Variants in DGKB observed in about 807,000 individuals in gnomAD.
The protein encoded by DGKB is diacylglycerol kinase beta.
In DGKB, 67 loss-of-function variants were observed where a neutral mutation model predicts 114.3. That is an observed-to-expected ratio of 0.59 (90% CI 0.48 to 0.72). The LOEUF (loss-of-function observed/expected upper bound fraction) is 0.72, where lower values mean the gene tolerates loss of function less well. Ranked by LOEUF, DGKB falls within the 30% of genes least tolerant of loss-of-function variation. The probability of loss-of-function intolerance (pLI) is 0.00; values close to 1 mark genes in which losing one functional copy is unlikely to be tolerated. For synonymous variants in DGKB, 398 were observed against 323.1 expected (o/e 1.23, Z -2.49); for missense variants, 907 against 975.2 (o/e 0.93, Z 0.93).
chr7:14,459,437 C>G (rs1359948728), intron 21 of DGKB, among the ~76,000 whole-genome samples: 2 of 152,040 alleles, frequency 1.3e-5, no homozygotes, highest in Non-Finnish European at 2.9e-5. Flanking sequence ...AAACACAGCA[C>G]AAGAACTTCG....
At chr7:14,751,299 G>A (rs1434212632) in intron 4 of DGKB, among the ~76,000 whole-genome samples, 4 of 151,992 alleles carry the variant, frequency 2.6e-5, no homozygotes, top group African/African-American at 9.7e-5. Context: ...TGTTATTAAA[G>A]AAATGAAAGA....
intron 20 of DGKB, among the ~76,000 whole-genome samples, chr7:14,516,028 T>TG (rs1219033092): frequency 2.6e-5 from 4 of 152,008 alleles, no homozygotes; most frequent in African/African-American, 9.7e-5. Flanking sequence ...TGTTTATTTT[T>TG]GGGGGGATGG....
chr7:14,425,846 A>G (rs1458174613), intron 21 of DGKB, among the ~76,000 whole-genome samples: 3 of 152,170 alleles, frequency 2.0e-5, no homozygotes, highest in African/African-American at 7.2e-5. Context: ...TACAAAAATG[A>G]GTATTTTAGA....
At chr7:14,946,161 C>T (rs974389228) in intron 1 of DGKB, among the ~76,000 whole-genome samples, 13 of 151,180 alleles carry the variant, frequency 8.6e-5, no homozygotes, top group Admixed American at 2.0e-4. Context: ...GGGTTTCTTG[C>T]TAAGTTTTCC....
At chr7:14,449,564 C>T (rs2128833951) in intron 21 of DGKB, among the ~76,000 whole-genome samples, 1 of 152,174 alleles carries the variant, frequency 6.6e-6, no homozygotes, top group South Asian at 2.1e-4. Context: ...AAACCATCTG[C>T]TCTGGGAGGC....
rs561480503 is a variant in DGKB, at chr7:14,835,510, CT to C, written c.70+5683del. ...GGCCCTGTGCCATTTATCCTTCTGT[CT>C]CATACAAAGAGGGTAATTATCAATA... On this transcript the variant is annotated intron_variant, in intron 2 of 25. Coordinates refer to ENST00000402815, the MANE Select transcript of DGKB (RefSeq NM_001350709.2). Among the ~76,000 whole-genome samples, 798 of 152,278 alleles carry C rather than the reference CT, an allele frequency of 5.2e-3. 3 individuals are homozygous for C. Among genetic ancestry groups the C allele is most frequent in the African/African-American group, 0.018 (753 of 41,552 alleles).
At chr7:14,249,900 G>A (rs1199335816) in intron 23 of DGKB, among the ~76,000 whole-genome samples, 1 of 151,082 alleles carries the variant, frequency 6.6e-6, no homozygotes, top group Non-Finnish European at 1.5e-5. Flanking sequence ...TCATTTTTTA[G>A]CTTCTTGAAG....
chr7:14,785,357 T>C (rs1371214530), intron 2 of DGKB, among the ~76,000 whole-genome samples: 2 of 152,178 alleles, frequency 1.3e-5, no homozygotes, highest in Non-Finnish European at 2.9e-5. Context: ...TTTTCTAATC[T>C]TCTTGCCTTG....
chr7:14,156,113 C>T (rs1005116909), intron 25 of DGKB, among the ~76,000 whole-genome samples: 15 of 152,078 alleles, frequency 9.9e-5, no homozygotes, highest in Admixed American at 2.6e-4. Context: ...ATCATATAAA[C>T]ATTTCCAATC....
At chr7:14,196,840 T>G (rs973459342) in intron 23 of DGKB, among the ~76,000 whole-genome samples, 6 of 152,196 alleles carry the variant, frequency 3.9e-5, no homozygotes, top group Admixed American at 2.0e-4. Flanking sequence ...GTTGAAGGAC[T>G]TAGATAAGTA....
intron 1 of DGKB, among the ~76,000 whole-genome samples, chr7:14,912,226 T>A (rs886753716): frequency 1.3e-5 from 2 of 152,190 alleles, no homozygotes; most frequent in Non-Finnish European, 2.9e-5. Context: ...AGAAACATCC[T>A]CATATGTTTC....
chr7:14,457,258 A>C (rs1303515927), intron 21 of DGKB, among the ~76,000 whole-genome samples: 2 of 152,134 alleles, frequency 1.3e-5, no homozygotes, highest in African/African-American at 4.8e-5. Flanking sequence ...TTATTAAGTA[A>C]TTACCTAAAA....
chr7:14,450,875 A>G (rs529139394), intron 21 of DGKB, among the ~76,000 whole-genome samples: 2 of 152,196 alleles, frequency 1.3e-5, no homozygotes, highest in Admixed American at 1.3e-4. Context: ...TGCTGAGAGA[A>G]TGAACTAGGA....
chr7:14,314,074 G>C (rs1585079894), intron 23 of DGKB, among the ~76,000 whole-genome samples: 1 of 152,202 alleles, frequency 6.6e-6, no homozygotes, highest in East Asian at 1.9e-4. Context: ...TGAGGGTCCT[G>C]TCTGTTAGAA....
chr7:14,854,598 T>C, intron 1 of DGKB, among the ~76,000 whole-genome samples: 1 of 152,152 alleles, frequency 6.6e-6, no homozygotes, highest in East Asian at 1.9e-4. Flanking sequence ...GAGAATCTAA[T>C]GCGGCTGCTG....
chr7:14,922,910 T>C (rs1409079212), intron 1 of DGKB, among the ~76,000 whole-genome samples: 1 of 152,212 alleles, frequency 6.6e-6, no homozygotes, highest in East Asian at 1.9e-4. Flanking sequence ...AGACAACATA[T>C]TATTACTGTG....
At chr7:14,860,198 A>T (rs1053660108) in intron 1 of DGKB, among the ~76,000 whole-genome samples, 1 of 152,102 alleles carries the variant, frequency 6.6e-6, no homozygotes, top group African/African-American at 2.4e-5. Context: ...TAAACTTAAA[A>T]TATCTACCAT....
At chr7:14,231,127 C>CTTTCTTTTTCTTTCTT (rs1554297194) in intron 23 of DGKB, among the ~76,000 whole-genome samples, 1 of 125,100 alleles carries the variant, frequency 8.0e-6, no homozygotes, top group Non-Finnish European at 1.7e-5. Context: ...TTCTTTCTTT[C>CTTTCTTTTTCTTTCTT]TTTCTTTCTT....
At chr7:14,261,151 G>A (rs1796715528) in intron 23 of DGKB, among the ~76,000 whole-genome samples, 2 of 151,682 alleles carry the variant, frequency 1.3e-5, no homozygotes, top group Non-Finnish European at 2.9e-5. Flanking sequence ...AATTATGCAG[G>A]CAATTGTTTT....
Sources: gnomAD v4.1 joint callset for allele counts (sites outside exome capture counted in the v4.1 genomes callset) on GRCh38, gnomAD v4.1.1 for gene constraint, MANE v1.5 for transcripts, NCBI Gene and HGNC (gene_info 2026-07-23, HGNC 2026-07-21) for gene names.